Variants in DNAH14 observed in about 807,000 individuals in gnomAD.
DNAH14 encodes the protein axonemal beta dynein heavy chain 14.
Under a neutral mutation model 520.9 loss-of-function variants are expected in DNAH14, and 478 were observed. That is an observed-to-expected ratio of 0.92 (90% CI 0.85 to 0.99). The LOEUF is 0.99. Among genes scored for constraint, DNAH14 ranks in the 50% least tolerant of loss-of-function variants. The pLI, the probability that DNAH14 is intolerant of heterozygous loss-of-function variation, is 0.00. For synonymous variants in DNAH14, 1,581 were observed against 1,757.2 expected, an observed-to-expected ratio of 0.90 and a Z score of 2.51; for missense variants, 4,831 against 5,234.5, an observed-to-expected ratio of 0.92 and a Z score of 2.38.
chr1:225,213,199 G>A (rs12091059), intron 41 of DNAH14, among the ~76,000 whole-genome samples: 4,009 of 152,192 alleles, frequency 0.026, 160 homozygotes, highest in African/African-American at 0.08. Flanking sequence ...TGTCAGGTTT[G>A]TCAAAGATCA....
At chr1:225,273,289 G>A (rs903554704) in intron 52 of DNAH14, among the ~76,000 whole-genome samples, 164 bp downstream of exon 52, 1 of 152,116 alleles carries the variant, frequency 6.6e-6, no homozygotes, top group African/African-American at 2.4e-5. Context: ...AAAATTAGCC[G>A]GGCGTGGTGA....
intron 1 of DNAH14, among the ~76,000 whole-genome samples, chr1:224,931,611 T>C (rs896593049): frequency 6.6e-6 from 1 of 152,220 alleles, no homozygotes; most frequent in Non-Finnish European, 1.5e-5. Flanking sequence ...CCGTGTTATC[T>C]ATTTGTCCAC....
intron 17 of DNAH14, among the ~76,000 whole-genome samples, chr1:225,075,596 G>T (rs1187751936): frequency 6.6e-6 from 1 of 152,084 alleles, no homozygotes; most frequent in Admixed American, 6.5e-5. Flanking sequence ...GGGTGTGGTG[G>T]TGTTTACCTG....
intron 60 of DNAH14, among the ~76,000 whole-genome samples, chr1:225,314,320 C>G (rs889109636): frequency 6.6e-6 from 1 of 152,156 alleles, no homozygotes; most frequent in Non-Finnish European, 1.5e-5. Flanking sequence ...TTATTTTGAC[C>G]TATGTGTGTC....
chr1:224,960,746 G>T (rs554815941), intron 4 of DNAH14, among the ~76,000 whole-genome samples: 1 of 151,842 alleles, frequency 6.6e-6, no homozygotes. Context: ...ATTCTTCTTA[G>T]TATTAATATT....
intron 43 of DNAH14, among the ~76,000 whole-genome samples, chr1:225,243,166 A>G (rs2092070619): frequency 6.6e-6 from 1 of 152,144 alleles, no homozygotes; most frequent in East Asian, 1.9e-4. Flanking sequence ...AATACCTAGA[A>G]CTGTGTTTGC....
chr1:225,352,157 C>A (rs187360873), intron 72 of DNAH14, among the ~76,000 whole-genome samples: 3 of 152,232 alleles, frequency 2.0e-5, no homozygotes, highest in Non-Finnish European at 4.4e-5. Flanking sequence ...TAGTTTTGAA[C>A]CTTGAATCTG....
chr1:225,056,914 T>A (rs2069178015), intron 17 of DNAH14, among the ~76,000 whole-genome samples: 1 of 152,242 alleles, frequency 6.6e-6, no homozygotes, highest in South Asian at 2.1e-4. Flanking sequence ...ACCAGTACCA[T>A]GCTGTTTCGG....
Position 225,346,160 on chromosome 1 carries a change from T to C in DNAH14, c.10877T>C (p.Met3626Thr), listed in dbSNP as rs766037037. 2.1e-5 allele frequency: 32 copies of C among 1,551,586 alleles called. No individual in the cohort carries two copies. The highest frequency in any genetic ancestry group is 1.7e-4 in the Middle Eastern group (1 of 6,012). The change falls in exon 70 of 86, where the codon ATG (methionine) becomes ACG (threonine). Residue 3626 changes from methionine (M) to threonine (T), a missense_variant. Coordinates refer to ENST00000682510, the MANE Select transcript of DNAH14 (RefSeq NM_001367479.1). ...GCTGATCTCACACAAATCAACTACATGTACCAGTTCTCCCTAGACTGGTTT... is the reference window on the plus strand; with the variant it reads ...GCTGATCTCACACAAATCAACTACACGTACCAGTTCTCCCTAGACTGGTTT... ...LVADLTQINY[M>T]YQFSLDWFHQ...
At chr1:224,961,549 G>GAGT (rs1272670945) in intron 4 of DNAH14, among the ~76,000 whole-genome samples, 2 of 152,110 alleles carry the variant, frequency 1.3e-5, no homozygotes, top group Non-Finnish European at 2.9e-5. Flanking sequence ...TGGCAGGATG[G>GAGT]AGTGAGTGCA....
intron 69 of DNAH14, among the ~76,000 whole-genome samples, chr1:225,344,649 T>C (rs1443345824): frequency 2.0e-5 from 3 of 152,308 alleles, no homozygotes; most frequent in East Asian, 3.9e-4. Context: ...TTTAGGTTGA[T>C]TACATGCCTT....
rs557352623 is a variant in DNAH14 at position 225,094,434 on chromosome 1, T to C, written c.3574-2684T>C. Among the ~76,000 whole-genome samples, 8 of 152,006 alleles carry C rather than the reference T, an allele frequency of 5.3e-5. No homozygotes were observed. The South Asian group carries it at 1.7e-3, about 32-fold the overall frequency. ...TAACTGGCTAGCCATATGCAGAAGA[T>C]TGAAACTGGAACCCTTCCTTTCAAC... On this transcript the variant is annotated intron_variant, in intron 21 of 85. Coordinates refer to ENST00000682510, the MANE Select transcript of DNAH14 (RefSeq NM_001367479.1).
At chr1:225,010,512 G>T (rs910420631) in intron 10 of DNAH14, among the ~76,000 whole-genome samples, 1 of 152,034 alleles carries the variant, frequency 6.6e-6, no homozygotes, top group Non-Finnish European at 1.5e-5. Flanking sequence ...TTTTATTGAG[G>T]ATTTTTGCAT....
intron 64 of DNAH14, among the ~76,000 whole-genome samples, chr1:225,330,631 G>A (rs185179065): frequency 1.3e-5 from 2 of 152,170 alleles, no homozygotes; most frequent in East Asian, 3.9e-4. Context: ...GGAGATAGAG[G>A]GCAGAAAGAT....
intron 15 of DNAH14, among the ~76,000 whole-genome samples, chr1:225,044,609 C>A (rs1203246546): frequency 6.6e-6 from 1 of 152,110 alleles, no homozygotes; most frequent in African/African-American, 2.4e-5. Context: ...GTAACTACCA[C>A]CACATATTAA....
At chr1:225,336,416 A>T (rs943252562) in intron 66 of DNAH14, among the ~76,000 whole-genome samples, 6 of 152,082 alleles carry the variant, frequency 3.9e-5, no homozygotes, top group Admixed American at 1.3e-4. Context: ...TCTCCAAGCA[A>T]CTGTTAACAA....
chr1:225,140,343 G>T (rs142569041), intron 27 of DNAH14, among the ~76,000 whole-genome samples: 66 of 152,274 alleles, frequency 4.3e-4, no homozygotes, highest in African/African-American at 1.6e-3. Flanking sequence ...AAGAGTGGGT[G>T]TCAAAAGATG....
intron 9 of DNAH14, among the ~76,000 whole-genome samples, chr1:225,006,593 G>A (rs1488813510): frequency 6.6e-6 from 1 of 152,130 alleles, no homozygotes; most frequent in African/African-American, 2.4e-5. Flanking sequence ...GCGCCCTCAG[G>A]CTTGCTAGGA....
intron 41 of DNAH14, among the ~76,000 whole-genome samples, chr1:225,214,140 G>A (rs528081818): frequency 3.2e-4 from 48 of 152,230 alleles, no homozygotes; most frequent in Non-Finnish European, 6.8e-4. Flanking sequence ...TTTTTCGAAG[G>A]CCTTTTCTGT....
Sources: allele counts gnomAD v4.1 joint callset (sites outside exome capture counted in the v4.1 genomes callset), GRCh38; gene constraint gnomAD v4.1.1; transcripts MANE v1.5; gene names NCBI Gene and HGNC (gene_info 2026-07-23, HGNC 2026-07-21).